The following DAB1 variants were observed in gnomAD, a reference collection of about 807,000 sequenced individuals.
DAB1 encodes the protein DAB adaptor protein 1.
A neutral mutation model predicts 64.6 loss-of-function variants in DAB1; 15 were observed. The ratio of observed to expected loss-of-function variants is 0.23; its 90% confidence interval spans 0.16 to 0.36. DAB1 has a LOEUF of 0.36. Ranked by LOEUF, DAB1 falls within the 10% of genes least tolerant of loss-of-function variation. The pLI is 1.00. For missense variants in DAB1, 596 were observed against 706.7 expected (o/e 0.84, Z 1.78); for synonymous variants, 235 against 251.9 (o/e 0.93, Z 0.64).
At chr1:57,503,157 A>G (rs1388641861) in intron 7 of DAB1, among the ~76,000 whole-genome samples, 2 of 152,202 alleles carry the variant, frequency 1.3e-5, no homozygotes, top group Non-Finnish European at 2.9e-5. Flanking sequence ...AGGTTCTTCT[A>G]TCTTTCCTGC....
intron 3 of DAB1, among the ~76,000 whole-genome samples, chr1:58,449,461 C>T (rs1645108781): frequency 6.6e-6 from 1 of 152,118 alleles, no homozygotes; most frequent in Admixed American, 6.5e-5. Flanking sequence ...GATGGAACTT[C>T]CCAGGATGGG....
At chr1:58,499,590 T>C (rs1645869497) in intron 3 of DAB1, among the ~76,000 whole-genome samples, 1 of 152,136 alleles carries the variant, frequency 6.6e-6, no homozygotes, top group Non-Finnish European at 1.5e-5. Flanking sequence ...CACAGCATTG[T>C]TACTACAGTT....
chr1:58,168,282 G>A (rs747870758), intron 4 of DAB1, among the ~76,000 whole-genome samples: 7 of 152,068 alleles, frequency 4.6e-5, no homozygotes, highest in East Asian at 1.9e-4. Context: ...GCCAAGGGTC[G>A]ACAGAGAGGA....
At chr1:57,689,700 A>G (rs3131767) in intron 6 of DAB1, among the ~76,000 whole-genome samples, 110,909 of 152,054 alleles carry the variant, frequency 0.73, 41,213 homozygotes, top group East Asian at 0.93. Context: ...TGCAATGCAT[A>G]ATAACCACAT....
intron 2 of DAB1, among the ~76,000 whole-genome samples, chr1:57,283,001 C>T (rs1342888311): frequency 6.6e-6 from 1 of 152,194 alleles, no homozygotes; most frequent in African/African-American, 2.4e-5. Context: ...GGCAAACCCA[C>T]AGAATACATT....
At chr1:57,123,142 C>T (rs1205849372) in intron 4 of DAB1, among the ~76,000 whole-genome samples, 4 of 152,010 alleles carry the variant, frequency 2.6e-5, no homozygotes, top group Non-Finnish European at 4.4e-5. Flanking sequence ...TTTATGCATA[C>T]GTGGAGAATC....
chr1:57,123,646 C>T (rs952737261), intron 4 of DAB1, among the ~76,000 whole-genome samples: 1 of 151,986 alleles, frequency 6.6e-6, no homozygotes, highest in Non-Finnish European at 1.5e-5. Flanking sequence ...AAGCTGTGCT[C>T]AAAGATACAG....
At chr1:57,205,005 A>C (rs1050704908) in intron 2 of DAB1, among the ~76,000 whole-genome samples, 2 of 152,236 alleles carry the variant, frequency 1.3e-5, no homozygotes, top group Non-Finnish European at 2.9e-5. Flanking sequence ...TTTGGAAAAT[A>C]AGGCTGTTTT....
At chr1:57,131,468 A>G (rs2100782046) in intron 4 of DAB1, among the ~76,000 whole-genome samples, 1 of 152,270 alleles carries the variant, frequency 6.6e-6, no homozygotes, top group South Asian at 2.1e-4. Context: ...GATGACAGCA[A>G]CATCCCAGAT....
intron 7 of DAB1, among the ~76,000 whole-genome samples, chr1:57,606,649 TATTATGTATGAAA>T (rs1410410383): frequency 2.1e-5 from 2 of 95,032 alleles, no homozygotes; most frequent in African/African-American, 1.0e-4. Flanking sequence ...ATGAAATATA[TATTATGTATGAAA>T]TATATATGAA....
At chr1:58,404,728 T>C (rs1644600899) in intron 3 of DAB1, among the ~76,000 whole-genome samples, 1 of 152,094 alleles carries the variant, frequency 6.6e-6, no homozygotes, top group African/African-American at 2.4e-5. Flanking sequence ...TGGGAGCAAA[T>C]CACTAACCCT....
intron 2 of DAB1, among the ~76,000 whole-genome samples, chr1:57,269,558 G>A (rs956218194): frequency 6.6e-6 from 1 of 152,070 alleles, no homozygotes; most frequent in Non-Finnish European, 1.5e-5. Flanking sequence ...GGTATGTCCA[G>A]GGGCGTCTCT....
At chr1:57,789,555 T>C (rs1039421748) in intron 6 of DAB1, among the ~76,000 whole-genome samples, 4 of 152,126 alleles carry the variant, frequency 2.6e-5, no homozygotes, top group Non-Finnish European at 4.4e-5. Context: ...TGTCCTCACA[T>C]GGCAGGGAGC....
At chr1:57,617,582 C>T (rs1645804440) in intron 7 of DAB1, among the ~76,000 whole-genome samples, 1 of 152,170 alleles carries the variant, frequency 6.6e-6, no homozygotes, top group African/African-American at 2.4e-5. Flanking sequence ...TCAAGCAACA[C>T]TTCCACTCCT....
At chr1:57,033,997 C>G (rs1332701233) in intron 9 of DAB1, among the ~76,000 whole-genome samples, 4 of 152,140 alleles carry the variant, frequency 2.6e-5, no homozygotes, top group Non-Finnish European at 5.9e-5. Flanking sequence ...TGCTCTTCCC[C>G]TCGGCCGGGC....
At chr1:57,536,196 C>G (rs1361173210) in intron 7 of DAB1, among the ~76,000 whole-genome samples, 1 of 152,186 alleles carries the variant, frequency 6.6e-6, no homozygotes, top group Non-Finnish European at 1.5e-5. Context: ...CACTAAATCA[C>G]AAAATATATC....
Position 58,047,205 on chromosome 1 carries a change from C to T in DAB1, n.387+103306G>A, listed in dbSNP as rs571253257. 5.3e-5 allele frequency among the ~76,000 whole-genome samples: 8 copies of T among 152,242 alleles called. 1 individual carries two copies. In the South Asian group the frequency reaches 1.7e-3, roughly 32 times the overall value. On this transcript the variant is annotated intron_variant and non_coding_transcript_variant, in intron 5 of 20. Coordinates refer to the DAB1 transcript ENST00000485760. Reference sequence around the variant, plus strand: ...CTATGAATGCAAGCCACATATGTCACCTTAAATTTGCCACTTAGCCACATT... The same window carrying T: ...CTATGAATGCAAGCCACATATGTCATCTTAAATTTGCCACTTAGCCACATT...
chr1:58,312,815 C>T (rs933131107), intron 4 of DAB1, among the ~76,000 whole-genome samples: 1 of 152,112 alleles, frequency 6.6e-6, no homozygotes, highest in South Asian at 2.1e-4. Flanking sequence ...AGTTACTTGA[C>T]CTACCTGTTC....
In DAB1 at chr1:57,025,782, A is replaced by G. The variant is rs1394214753; in HGVS notation, c.786+199T>C. 2.6e-5 allele frequency among the ~76,000 whole-genome samples: 4 copies of G among 152,340 alleles called. No individual in the cohort carries two copies. The South Asian group carries it at 8.3e-4, about 32-fold the overall frequency. On this transcript the variant is annotated intron_variant, in intron 10 of 14. Transcript: ENST00000371236. ...ATTTCTCAAAACAGAGGCATATATCATACTTCCCCTTTATAAATAGCCAAG... is the reference window on the plus strand; with the variant it reads ...ATTTCTCAAAACAGAGGCATATATCGTACTTCCCCTTTATAAATAGCCAAG...
Sources: gnomAD v4.1 joint callset for allele counts (sites outside exome capture counted in the v4.1 genomes callset) on GRCh38, gnomAD v4.1.1 for gene constraint, MANE v1.5 for transcripts, NCBI Gene and HGNC (gene_info 2026-07-23, HGNC 2026-07-21) for gene names.